Variants in MIB1 observed in about 807,000 individuals in gnomAD.
MIB1 encodes MIB E3 ubiquitin protein ligase 1, also known as E3 ubiquitin-protein ligase MIB1.
In MIB1, 278 loss-of-function variants were observed where a neutral mutation model predicts 124.5. The observed-to-expected ratio is 2.23, with a 90% CI of 2.02 to 2.47. The LOEUF (loss-of-function observed/expected upper bound fraction) is 2.47. Among genes scored for constraint, MIB1 ranks in the 30% most tolerant of loss-of-function variants. MIB1 has a pLI of 0.00. For synonymous variants in MIB1, 446 were observed against 429.4 expected, an observed-to-expected ratio of 1.04 and a Z score of -0.48; for missense variants, 957 against 1,254.4, an observed-to-expected ratio of 0.76 and a Z score of 3.58.
intron 1 of MIB1, among the ~76,000 whole-genome samples, chr18:21,732,928 A>G (rs1236516746): frequency 6.6e-6 from 1 of 152,110 alleles, no homozygotes; most frequent in African/African-American, 2.4e-5. Context: ...AGCAGATGTT[A>G]TTGTTTTTTG....
intron 10 of MIB1, among the ~76,000 whole-genome samples, chr18:21,806,964 C>T (rs571294566): frequency 6.6e-6 from 1 of 152,094 alleles, no homozygotes; most frequent in Non-Finnish European, 1.5e-5. Flanking sequence ...CTAACTAGAA[C>T]GGTGAGATAC....
At chr18:21,835,782 A>ATATAT (rs1316800363) in intron 12 of MIB1, among the ~76,000 whole-genome samples, 13 of 112,296 alleles carry the variant, frequency 1.2e-4, no homozygotes, top group African/African-American at 4.1e-4. Flanking sequence ...GAAAAAAAAA[A>ATATAT]AAATATATAT....
At position 21,768,670 on chromosome 18, in the gene MIB1, G is replaced by GA; in HGVS notation, c.451dup (p.Ile151AsnfsTer25). Reference sequence around the variant, plus strand: ...AAATCTAAGAAGATTACAGCCAGAGGAATCTTTGCAGGTGCCAGAGTGGTG... The same window carrying GA: ...AAATCTAAGAAGATTACAGCCAGAGGAAATCTTTGCAGGTGCCAGAGTGGTG... On this transcript the variant is annotated frameshift_variant, in exon 3 of 21. Coordinates refer to ENST00000261537, the MANE Select transcript of MIB1 (RefSeq NM_020774.4). LOFTEE classifies it high-confidence loss of function. 6.2e-7 allele frequency: 1 copy of GA among 1,603,520 alleles called. No homozygotes were observed. The highest frequency in any genetic ancestry group is 8.5e-7 in the Non-Finnish European group (1 of 1,174,358).
chr18:21,799,990 A>C lies in MIB1; in HGVS notation c.1371+16A>C. 1 of 1,605,246 alleles carries C rather than the reference A, an allele frequency of 6.2e-7. No homozygotes were observed. On this transcript the variant is annotated intron_variant, in intron 9 of 20. Transcript: ENST00000261537. Reference sequence around the variant, plus strand: ...AGATGTGGATGTGAGCATTTTAAAAATTATTTTGAAGCATACAAAAAGTAG... The same window carrying C: ...AGATGTGGATGTGAGCATTTTAAAACTTATTTTGAAGCATACAAAAAGTAG...
At position 21,805,900 on chromosome 18, in the gene MIB1, CT is replaced by C. The variant is rs35904303; in HGVS notation, c.1479+1907del. Among the ~76,000 whole-genome samples the C allele has an allele frequency of 1.5e-3, 162 of 105,100 alleles. No homozygotes were observed. The Middle Eastern group carries it at 0.019, about 12-fold the overall frequency. The allele number at this position is 105,100 out of a possible 152,430, so 68.9% of individuals were successfully genotyped here. ...TTTCAAGAGTAATTTTCTTTCTTTCCTTTTTTTTTTTTTTTTTTTTTGAGAC... is the reference window on the plus strand; with the variant it reads ...TTTCAAGAGTAATTTTCTTTCTTTCCTTTTTTTTTTTTTTTTTTTTGAGAC... On this transcript the variant is annotated intron_variant, in intron 10 of 20. Coordinates refer to ENST00000261537, the MANE Select transcript of MIB1 (RefSeq NM_020774.4).
intron 18 of MIB1, among the ~76,000 whole-genome samples, chr18:21,853,974 C>CGT (rs1568228142): frequency 7.9e-6 from 1 of 125,868 alleles, no homozygotes; most frequent in African/African-American, 3.0e-5. Flanking sequence ...AAGTGATTCT[C>CGT]GTGTCCTCCG....
At chr18:21,815,525 A>G in intron 10 of MIB1, 91 bp from the exon 11 acceptor site, 2 of 1,173,784 alleles carry the variant, frequency 1.7e-6, no homozygotes, top group Non-Finnish European at 2.4e-6. Flanking sequence ...CCTTTTCTCA[A>G]ATTAATCTGC....
intron 1 of MIB1, among the ~76,000 whole-genome samples, chr18:21,716,579 C>G (rs556911221): frequency 6.6e-6 from 1 of 152,206 alleles, no homozygotes; most frequent in African/African-American, 2.4e-5. Context: ...AGGCTGGGCA[C>G]GGTGGCTCAC....
chr18:21,798,004 T>G, intron 7 of MIB1, 80 bp from the exon 8 acceptor site: 9 of 1,383,088 alleles, frequency 6.5e-6, no homozygotes, highest in Non-Finnish European at 9.0e-6. Flanking sequence ...AAATCATTAC[T>G]TTAAGCATAT....
intron 1 of MIB1, among the ~76,000 whole-genome samples, chr18:21,734,804 C>T (rs1471891274): frequency 2.6e-5 from 4 of 152,202 alleles, no homozygotes; most frequent in African/African-American, 7.2e-5. Flanking sequence ...GCTGGGATTA[C>T]AGGCATGAGC....
chr18:21,792,352 A>G (rs964639597), intron 7 of MIB1, among the ~76,000 whole-genome samples: 13 of 151,450 alleles, frequency 8.6e-5, no homozygotes, highest in African/African-American at 2.9e-4. Flanking sequence ...TTAGTATCCT[A>G]TTACCCCCAC....
At chr18:21,725,921 A>T (rs1395597559) in intron 1 of MIB1, among the ~76,000 whole-genome samples, 1 of 152,208 alleles carries the variant, frequency 6.6e-6, no homozygotes, top group Non-Finnish European at 1.5e-5. Flanking sequence ...TTCTGATCAT[A>T]AGTAGTTAAA....
At chr18:21,733,061 G>GC (rs1191133781) in intron 1 of MIB1, among the ~76,000 whole-genome samples, 25 of 152,148 alleles carry the variant, frequency 1.6e-4, no homozygotes, top group Non-Finnish European at 7.3e-5. Context: ...GGTAGCCATT[G>GC]CTTTGATTGT....
chr18:21,868,942 A>G lies in MIB1; in HGVS notation c.*4276A>G, dbSNP rs2042338693. 6.6e-6 allele frequency: 1 copy of G among 152,454 alleles called. No homozygotes were observed. The allele number at this position is 152,454 out of a possible 1,614,324, so 9.4% of individuals were successfully genotyped here. On this transcript the variant is annotated 3_prime_UTR_variant, in exon 21 of 21. Transcript: ENST00000261537. ...AAACGTAAACTAGACAGTAGAGCCG[A>G]TGAATTAAAATTGTAAATTGCTACA...
chr18:21,753,684 GT>G (rs1012115001), intron 1 of MIB1, among the ~76,000 whole-genome samples: 1 of 148,272 alleles, frequency 6.7e-6, no homozygotes, highest in African/African-American at 2.5e-5. Flanking sequence ...TCTTTCTTTC[GT>G]TTTTTTTTGA....
chr18:21,746,652 T>C (rs2040915955), intron 1 of MIB1, among the ~76,000 whole-genome samples: 2 of 152,176 alleles, frequency 1.3e-5, no homozygotes, highest in Non-Finnish European at 2.9e-5. Flanking sequence ...TTGACTACAG[T>C]GTTGTATTGT....
intron 13 of MIB1, among the ~76,000 whole-genome samples, chr18:21,842,091 C>CAAAAAAAAAAAAAA (rs376834305): frequency 1.7e-4 from 6 of 35,684 alleles, no homozygotes; most frequent in African/African-American, 7.0e-4. Flanking sequence ...GACCCTATCT[C>CAAAAAAAAAAAAAA]AAAAAAAAAA....
chr18:21,760,713 G>T (rs1021998261), intron 1 of MIB1, among the ~76,000 whole-genome samples: 10 of 152,162 alleles, frequency 6.6e-5, no homozygotes, highest in Non-Finnish European at 1.2e-4. Context: ...AATGAACTTA[G>T]AAATGAAAAA....
rs2042238818 is a variant in MIB1, at chr18:21,857,366, G to A, written c.2779+123G>A. On this transcript the variant is annotated intron_variant, in intron 19 of 20. Transcript: ENST00000261537. ...CTAAGATGTCTGACTTGGATCCACA[G>A]TGGAACAGGTATTGTTTTCTGGTGC... 2.1e-5 allele frequency: 14 copies of A among 655,656 alleles called. No individual in the cohort carries two copies. In the South Asian group the frequency reaches 2.5e-4, roughly 12 times the overall value. The allele number at this position is 655,656 out of a possible 1,614,324, so 40.6% of individuals were successfully genotyped here.
Sources: allele counts gnomAD v4.1 joint callset (sites outside exome capture counted in the v4.1 genomes callset), GRCh38; gene constraint gnomAD v4.1.1; transcripts MANE v1.5; gene names NCBI Gene and HGNC (gene_info 2026-07-23, HGNC 2026-07-21).